The following RFC3 variants were observed in gnomAD, a reference collection of about 807,000 sequenced individuals.
RFC3 encodes A1 38 kDa subunit.
In RFC3, 41 loss-of-function variants were observed where a neutral mutation model predicts 45.1. The ratio of observed to expected loss-of-function variants is 0.91; its 90% CI spans 0.71 to 1.18. RFC3 has a LOEUF of 1.18. Ranked by LOEUF, RFC3 falls within the 50% of genes most tolerant of loss-of-function variation. The probability of loss-of-function intolerance (pLI) is 0.00; values close to 1 mark genes in which losing one functional copy is unlikely to be tolerated. For missense variants in RFC3, 423 were observed against 428.1 expected (o/e 0.99, Z 0.10); for synonymous variants, 149 against 144.0 (o/e 1.03, Z -0.25).
At chr13:33,870,636 A>G (rs1251634813) in intron 8 of RFC3, among the ~76,000 whole-genome samples, 1 of 152,296 alleles carries the variant, frequency 6.6e-6, no homozygotes, top group Non-Finnish European at 1.5e-5. Flanking sequence ...AGTGGAGAAG[A>G]TAAACACTCA....
intron 6 of RFC3, 73 bp downstream of exon 6, chr13:33,830,928 G>A: frequency 7.3e-7 from 1 of 1,379,164 alleles, no homozygotes; most frequent in Non-Finnish European, 1.0e-6. Flanking sequence ...CAGTTTTGTG[G>A]AAGACAATTT....
Position 33,891,857 on chromosome 13 carries a change from C to G in RFC3, c.879+56640C>G, listed in dbSNP as rs1479549351. On this transcript the variant is annotated intron_variant, in intron 8 of 8. Coordinates refer to the RFC3 transcript ENST00000434425. ...ATAAATGTGCTTAAAGTCCTATGTCCCATATATTAAGAATAAGAATAGTTG... is the reference window on the plus strand; with the variant it reads ...ATAAATGTGCTTAAAGTCCTATGTCGCATATATTAAGAATAAGAATAGTTG... 2.0e-5 allele frequency among the ~76,000 whole-genome samples: 3 copies of G among 151,922 alleles called. 1 individual carries two copies. The highest frequency in any genetic ancestry group is 2.0e-4 in the Admixed American group (3 of 15,250).
At chr13:33,842,632 G>A (rs944484885) in intron 8 of RFC3, among the ~76,000 whole-genome samples, 32 of 152,226 alleles carry the variant, frequency 2.1e-4, no homozygotes, top group African/African-American at 7.2e-4. Flanking sequence ...TTCCTACCCT[G>A]CAGCCAAATG....
chr13:33,850,111 AATTTG>A (rs2082266903), intron 8 of RFC3: 1 of 152,206 alleles, frequency 6.6e-6, no homozygotes, highest in African/African-American at 2.4e-5. Flanking sequence ...TAAAAAATCA[AATTTG>A]ATCTTTATGT....
downstream of RFC3, among the ~76,000 whole-genome samples, chr13:33,839,181 T>C (rs1458986944): frequency 1.3e-5 from 2 of 152,222 alleles, no homozygotes; most frequent in Non-Finnish European, 2.9e-5. Flanking sequence ...CCGTCAGTTA[T>C]ATGTGTGAGC....
chr13:33,944,001 T>A (rs2082940046), intron 8 of RFC3, among the ~76,000 whole-genome samples: 1 of 152,144 alleles, frequency 6.6e-6, no homozygotes, highest in African/African-American at 2.4e-5. Flanking sequence ...TAGTCAGTAT[T>A]GGTAGAGGGT....
intron 8 of RFC3, among the ~76,000 whole-genome samples, chr13:33,861,656 A>G (rs926663749): frequency 1.3e-5 from 2 of 152,036 alleles, no homozygotes; most frequent in African/African-American, 4.8e-5. Context: ...AAAAAAAAAA[A>G]AAAACGGAAA....
chr13:33,889,516 T>C (rs1029331917), intron 8 of RFC3, among the ~76,000 whole-genome samples: 2 of 152,244 alleles, frequency 1.3e-5, no homozygotes, highest in African/African-American at 4.8e-5. Flanking sequence ...ATCAGGGTAG[T>C]TGGCATTTTT....
intron 8 of RFC3, among the ~76,000 whole-genome samples, chr13:33,907,083 C>T (rs1379324410): frequency 1.3e-5 from 2 of 152,066 alleles, no homozygotes; most frequent in Non-Finnish European, 2.9e-5. Flanking sequence ...CTCAGCCTCT[C>T]AGAATGCTGG....
At chr13:33,865,634 C>T (rs921109213) in intron 8 of RFC3, among the ~76,000 whole-genome samples, 14 of 152,214 alleles carry the variant, frequency 9.2e-5, no homozygotes, top group Admixed American at 2.0e-4. Context: ...ATTGTAGGCT[C>T]ACATCCCAGA....
At chr13:33,884,069 A>T (rs910004961) in intron 8 of RFC3, among the ~76,000 whole-genome samples, 1 of 152,228 alleles carries the variant, frequency 6.6e-6, no homozygotes, top group Non-Finnish European at 1.5e-5. Flanking sequence ...ATCCTGAAAC[A>T]TCATTTATTG....
chr13:33,888,747 CT>C (rs569209303), intron 8 of RFC3, among the ~76,000 whole-genome samples: 15,088 of 136,460 alleles, frequency 0.11, 1,280 homozygotes, highest in African/African-American at 0.28. Context: ...TAAAGAAAAT[CT>C]TTTTTTTTTT....
At chr13:33,907,127 A>C (rs1322546982) in intron 8 of RFC3, among the ~76,000 whole-genome samples, 1 of 152,004 alleles carries the variant, frequency 6.6e-6, no homozygotes, top group African/African-American at 2.4e-5. Context: ...ACTAGCTGTG[A>C]TCTGTATTTT....
rs2082082741 is a variant in RFC3 at position 33,829,650 on chromosome 13, G to A, written c.392-186G>A. The A allele has an allele frequency of 2.1e-5, 13 of 608,404 alleles. No individual in the cohort carries two copies. In the South Asian group the frequency reaches 2.4e-4, roughly 11 times the overall value. 37.7% of individuals were successfully genotyped at this position (608,404 alleles called of 1,614,324 possible). A position where few individuals can be genotyped will look rare whatever the true frequency, so the allele number is the denominator to read the frequency against. On this transcript the variant is annotated intron_variant, in intron 4 of 8. Coordinates refer to ENST00000380071, the MANE Select transcript of RFC3 (RefSeq NM_002915.4). ...ATGATCTGAAGAGAAACTGGAGTAT[G>A]ATTGTAGCATTTTAAAATAATAAAG...
At position 33,837,491 on chromosome 13, in the gene RFC3, T is replaced by C. The variant is rs1259041434; in HGVS notation, c.*1196T>C. 4 of 152,184 alleles carry C rather than the reference T, an allele frequency of 2.6e-5. No homozygotes were observed. Among genetic ancestry groups the C allele is most frequent in the Admixed American group, 6.6e-5 (1 of 15,246 alleles). The allele number at this position is 152,184 out of a possible 1,614,324, so 9.4% of individuals were successfully genotyped here. ...TTGGTTATTATGAATAAAGTTGCTG[T>C]GAATACTTACGTGTAAGTCTTTTTG... On this transcript the variant is annotated 3_prime_UTR_variant, in exon 9 of 9. Transcript: ENST00000380071.
intron 8 of RFC3, among the ~76,000 whole-genome samples, chr13:33,852,008 G>T (rs933980296): frequency 6.6e-5 from 10 of 152,154 alleles, no homozygotes; most frequent in African/African-American, 2.4e-4. Context: ...TTCCACAAAT[G>T]AGATATATTA....
downstream of RFC3, among the ~76,000 whole-genome samples, chr13:33,840,201 C>T (rs2082187619): frequency 6.6e-6 from 1 of 152,080 alleles, no homozygotes; most frequent in Admixed American, 6.6e-5. Flanking sequence ...TATTTTTCTG[C>T]CCCTTCCTCT....
intron 8 of RFC3, among the ~76,000 whole-genome samples, chr13:33,933,163 C>T (rs768748449): frequency 6.6e-6 from 1 of 152,116 alleles, no homozygotes; most frequent in Non-Finnish European, 1.5e-5. Flanking sequence ...TTCTTCAGAT[C>T]TGTGGTCGTC....
At chr13:33,945,723 T>C (rs1005496824) in intron 8 of RFC3, among the ~76,000 whole-genome samples, 4 of 152,194 alleles carry the variant, frequency 2.6e-5, no homozygotes, top group African/African-American at 9.7e-5. Flanking sequence ...CACCATGTGG[T>C]TTCAACTAGT....
Sources: gnomAD v4.1 joint callset for allele counts (sites outside exome capture counted in the v4.1 genomes callset) on GRCh38, gnomAD v4.1.1 for gene constraint, MANE v1.5 for transcripts, NCBI Gene and HGNC (gene_info 2026-07-23, HGNC 2026-07-21) for gene names.